Variants in UNC79 observed in about 807,000 individuals in gnomAD.
UNC79 encodes the protein unc-79 subunit of NALCN channel complex.
A neutral mutation model predicts 283.1 loss-of-function variants in UNC79; 37 were observed. The observed-to-expected ratio is 0.13, with a 90% CI of 0.10 to 0.17. The LOEUF is 0.17. Ranked by LOEUF, UNC79 falls within the 10% of genes least tolerant of loss-of-function variation. UNC79 has a pLI of 1.00. For synonymous variants in UNC79, 1,107 were observed against 1,200.2 expected (o/e 0.92, Z 1.61); for missense variants, 2,272 against 3,211.1 (o/e 0.71, Z 7.07).
chr14:93,435,941 C>A (rs2056071066), intron 1 of UNC79, among the ~76,000 whole-genome samples: 1 of 152,298 alleles, frequency 6.6e-6, no homozygotes, highest in East Asian at 1.9e-4. Context: ...TGCCTGATTG[C>A]CACTTTCTCC....
chr14:93,363,528 T>A (rs2054267096), intron 1 of UNC79, among the ~76,000 whole-genome samples: 1 of 152,164 alleles, frequency 6.6e-6, no homozygotes, highest in Non-Finnish European at 1.5e-5. Flanking sequence ...GTTAGTTTTC[T>A]GCTTTGAAGA....
chr14:93,603,790 A>G (rs1257428358), intron 26 of UNC79, among the ~76,000 whole-genome samples: 1 of 152,204 alleles, frequency 6.6e-6, no homozygotes, highest in Non-Finnish European at 1.5e-5. Flanking sequence ...AATAAGACCT[A>G]TCATGGCTAA....
intron 41 of UNC79, 39 bp from the exon 45 acceptor site, chr14:93,682,578 A>T (rs1385404509): frequency 6.5e-7 from 1 of 1,541,536 alleles, no homozygotes; most frequent in East Asian, 2.3e-5. Flanking sequence ...TAATGTCCAG[A>T]TACCCTTAAA....
At chr14:93,663,152 C>A (rs564934442) in intron 40 of UNC79, among the ~76,000 whole-genome samples, 4 of 152,140 alleles carry the variant, frequency 2.6e-5, no homozygotes, top group Admixed American at 6.6e-5. Context: ...TAATTCTCAT[C>A]ATTTGTCTGT....
At chr14:93,560,614 A>G (rs10141497) in intron 14 of UNC79, among the ~76,000 whole-genome samples, 151,673 of 151,980 alleles carry the variant, frequency 1, 75,686 homozygotes, top group Middle Eastern at 1. Context: ...TTGTCATCTC[A>G]GTGTCATGAG....
chr14:93,585,205 C>A (rs1485000537), intron 20 of UNC79, among the ~76,000 whole-genome samples: 1 of 152,124 alleles, frequency 6.6e-6, no homozygotes, highest in East Asian at 1.9e-4. Flanking sequence ...CTTCCAAGAC[C>A]AGGGTTCCCT....
intron 1 of UNC79, among the ~76,000 whole-genome samples, chr14:93,393,206 C>T (rs1368759168): frequency 6.6e-6 from 1 of 152,188 alleles, no homozygotes; most frequent in Non-Finnish European, 1.5e-5. Context: ...ATACTCTATT[C>T]TCTAATTGCT....
At chr14:93,657,201 G>A (rs989933040) in intron 38 of UNC79, among the ~76,000 whole-genome samples, 2 of 152,150 alleles carry the variant, frequency 1.3e-5, no homozygotes, top group African/African-American at 4.8e-5. Context: ...TTGAAACTGT[G>A]TATGTGTATA....
intron 43 of UNC79, among the ~76,000 whole-genome samples, chr14:93,687,766 A>G (rs549031282): frequency 3.5e-4 from 54 of 152,236 alleles, no homozygotes; most frequent in African/African-American, 1.2e-3. Context: ...CTGAATACCC[A>G]TACTTAAATG....
At chr14:93,387,803 C>A (rs1223725953) in intron 1 of UNC79, among the ~76,000 whole-genome samples, 1 of 152,174 alleles carries the variant, frequency 6.6e-6, no homozygotes, top group Non-Finnish European at 1.5e-5. Flanking sequence ...TTGATTTCGT[C>A]TGGAAGATCT....
chr14:93,701,038 T>C lies in UNC79; in HGVS notation c.7549-3587T>C, dbSNP rs142529337. ...TCTGTAGATCTCTCCTGTCCAGTAC[T>C]CTACCTTGAAAACTGTAGTCACTTT... On this transcript the variant is annotated intron_variant, in intron 47 of 48. Coordinates refer to ENST00000555664, the Ensembl canonical transcript of UNC79. Among the ~76,000 whole-genome samples the C allele has an allele frequency of 2.0e-5, 3 of 152,278 alleles. No homozygotes were observed. In the East Asian group the frequency reaches 5.8e-4, roughly 29 times the overall value.
chr14:93,466,543 A>C (rs1274019595), intron 1 of UNC79, among the ~76,000 whole-genome samples: 1 of 152,190 alleles, frequency 6.6e-6, no homozygotes, highest in Non-Finnish European at 1.5e-5. Flanking sequence ...AGGTCCTTCC[A>C]GTTCTGATAT....
At chr14:93,466,321 G>A (rs1438190527) in intron 1 of UNC79, among the ~76,000 whole-genome samples, 2 of 152,198 alleles carry the variant, frequency 1.3e-5, no homozygotes, top group East Asian at 1.9e-4. Flanking sequence ...TCTGGAAATT[G>A]CTTTGATGTC....
rs34597873 is a variant in UNC79 at position 93,543,202 on chromosome 14, G to GTATA, written c.1755+517_1755+520dup. Among the ~76,000 whole-genome samples, 185 of 149,270 alleles carry GTATA rather than the reference G, an allele frequency of 1.2e-3. 1 individual carries two copies. Among genetic ancestry groups the GTATA allele is most frequent in the African/African-American group, 2.9e-3 (118 of 40,654 alleles). Reference sequence around the variant, plus strand: ...TGTCTTTTTTTCTTTTTTTAATCATGTATATATATATATACAGGTTAATGG... The same window carrying GTATA: ...TGTCTTTTTTTCTTTTTTTAATCATGTATATATATATATATATACAGGTTAATGG... On this transcript the variant is annotated intron_variant, in intron 14 of 48. Coordinates refer to ENST00000555664, the Ensembl canonical transcript of UNC79.
intron 5 of UNC79, among the ~76,000 whole-genome samples, chr14:93,490,033 CTG>C (rs1353450694): frequency 6.6e-6 from 1 of 152,236 alleles, no homozygotes; most frequent in African/African-American, 2.4e-5. Context: ...CAATGAGGCA[CTG>C]GGGTATAGGA....
chr14:93,513,964 C>T (rs1324863166), intron 7 of UNC79, among the ~76,000 whole-genome samples: 1 of 152,148 alleles, frequency 6.6e-6, no homozygotes, highest in African/African-American at 2.4e-5. Context: ...GGGATATTTA[C>T]AGCACTGAAG....
At chr14:93,551,698 A>AT (rs1224497164) in intron 14 of UNC79, among the ~76,000 whole-genome samples, 5 of 152,214 alleles carry the variant, frequency 3.3e-5, no homozygotes, top group Non-Finnish European at 5.9e-5. Flanking sequence ...ATGGATACGC[A>AT]TTGGTGAGGT....
chr14:93,590,505 A>G (rs2064583474), intron 22 of UNC79, among the ~76,000 whole-genome samples: 1 of 152,172 alleles, frequency 6.6e-6, no homozygotes, highest in African/African-American at 2.4e-5. Context: ...TGAATTCAAC[A>G]TGGGAATACG....
chr14:93,620,859 T>C (rs190329406), intron 29 of UNC79, 33 bp from the exon 31 acceptor site: 15 of 501,672 alleles, frequency 3.0e-5, no homozygotes, highest in Non-Finnish European at 1.6e-5. Context: ...AATAACCTCT[T>C]AAGTGTAATT....
Sources: allele counts gnomAD v4.1 joint callset (sites outside exome capture counted in the v4.1 genomes callset), GRCh38; gene constraint gnomAD v4.1.1; transcripts MANE v1.5; gene names NCBI Gene and HGNC (gene_info 2026-07-23, HGNC 2026-07-21).